Variants in KIFBP observed in about 807,000 individuals in gnomAD.
The protein encoded by KIFBP is kinesin family binding protein.
KIFBP carries 46 observed loss-of-function variants against 58.9 expected under a neutral mutation model. The observed-to-expected ratio is 0.78, with a 90% CI of 0.62 to 1.00. KIFBP has a LOEUF of 1.00. Ranked by LOEUF, KIFBP falls within the 50% of genes least tolerant of loss-of-function variation. The pLI is 0.00. For missense variants in KIFBP, 651 were observed against 752.9 expected (o/e 0.86, Z 1.58); for synonymous variants, 241 against 283.4 (o/e 0.85, Z 1.50).
chr10:68,990,706 C>G (rs749410729), intron 1 of KIFBP, among the ~76,000 whole-genome samples: 15 of 152,038 alleles, frequency 9.9e-5, no homozygotes, highest in Admixed American at 2.6e-4. Flanking sequence ...AGGAAAATCG[C>G]AGGGCTGAGG....
intron 3 of KIFBP, 42 bp downstream of exon 3, chr10:69,005,167 T>TA: frequency 7.4e-7 from 1 of 1,345,136 alleles, no homozygotes; most frequent in Non-Finnish European, 1.1e-6. Flanking sequence ...TATTTCCACA[T>TA]ATCATAGATT....
At chr10:69,004,409 A>G (rs560637258) in intron 2 of KIFBP, among the ~76,000 whole-genome samples, 1 of 152,154 alleles carries the variant, frequency 6.6e-6, no homozygotes, top group East Asian at 1.9e-4. Flanking sequence ...AAATACTTCA[A>G]GAATTATATA....
At chr10:69,000,188 C>T (rs989835449) in intron 1 of KIFBP, among the ~76,000 whole-genome samples, 2 of 152,092 alleles carry the variant, frequency 1.3e-5, no homozygotes, top group African/African-American at 4.8e-5. Context: ...CCAGCCTGTA[C>T]TCAAGGGGAA....
intron 1 of KIFBP, among the ~76,000 whole-genome samples, chr10:68,996,974 G>A (rs1278809985): frequency 2.6e-5 from 4 of 152,218 alleles, no homozygotes; most frequent in Non-Finnish European, 4.4e-5. Flanking sequence ...ACAACATAGT[G>A]AGACTTTGTC....
intron 1 of KIFBP, chr10:68,995,146 G>A (rs1843391429): frequency 6.6e-6 from 1 of 152,112 alleles, no homozygotes; most frequent in South Asian, 2.1e-4. Flanking sequence ...AGCCTCCTAA[G>A]TAGCTGAGAC....
chr10:68,991,917 T>C (rs2429030), intron 1 of KIFBP, among the ~76,000 whole-genome samples: 63,143 of 151,924 alleles, frequency 0.42, 13,514 homozygotes, highest in Non-Finnish European at 0.49. Flanking sequence ...CTTTTTTTTG[T>C]CTTAGGCAAA....
At chr10:69,003,997 G>A (rs895536736) in intron 2 of KIFBP, among the ~76,000 whole-genome samples, 7 of 151,938 alleles carry the variant, frequency 4.6e-5, no homozygotes, top group African/African-American at 1.5e-4. Context: ...CGAGGCAGGC[G>A]GATCATGAGA....
chr10:68,991,484 T>C, intron 1 of KIFBP: 1 of 396,050 alleles, frequency 2.5e-6, no homozygotes, highest in Non-Finnish European at 5.2e-6. Flanking sequence ...TGTCGATGTC[T>C]CCGAACTAAG....
rs1564639777 is a variant in KIFBP, at chr10:69,016,358, T to C, written c.1808T>C (p.Met603Thr). The C allele has an allele frequency of 1.2e-6, 2 of 1,613,988 alleles. No individual in the cohort carries two copies. The highest frequency in any genetic ancestry group is 8.5e-7 in the Non-Finnish European group (1 of 1,179,952). The change falls in exon 7 of 7, where the codon ATG becomes ACG. Residue 603 changes from methionine to threonine, a missense_variant. By Grantham distance (81) the Met-to-Thr change is moderately conservative (BLOSUM62 -1). Coordinates refer to ENST00000361983, the MANE Select transcript of KIFBP (RefSeq NM_015634.4). ...GTTGAGCTAGAACTTAGTAAAGAGA[T>C]GGTTAGTCTTCTCCCAACAAAAATG... The part of the protein sequence containing the change: ...IEVELELSKE[M>T]VSLLPTKMER...
Position 69,016,123 on chromosome 10 carries a change from A to T in KIFBP, c.1573A>T (p.Arg525Ter). 1 of 1,614,190 alleles carries T rather than the reference A, an allele frequency of 6.2e-7. No individual in the cohort carries two copies. The highest frequency in any genetic ancestry group is 8.5e-7 in the Non-Finnish European group (1 of 1,180,020). ...KYYQLFLDSL[R>*]DPNKVFPEHI... Reference sequence around the variant, plus strand: ...CTACCAGCTCTTCTTAGACTCCCTGAGAGACCCAAATAAAGTATTCCCTGA... The same window carrying T: ...CTACCAGCTCTTCTTAGACTCCCTGTGAGACCCAAATAAAGTATTCCCTGA... Residue 525 changes from arginine to a stop codon, truncating the protein, a stop_gained, in exon 7 of 7, where the codon AGA becomes TGA. Coordinates refer to ENST00000361983, the MANE Select transcript of KIFBP (RefSeq NM_015634.4). LOFTEE classifies it high-confidence loss of function.
intron 6 of KIFBP, among the ~76,000 whole-genome samples, chr10:69,014,960 T>C (rs1838973363): frequency 6.6e-6 from 1 of 152,206 alleles, no homozygotes; most frequent in South Asian, 2.1e-4. Flanking sequence ...TCTTGCACTG[T>C]CACCCAGGCT....
intron 6 of KIFBP, among the ~76,000 whole-genome samples, chr10:69,013,975 T>C (rs1843619030): frequency 6.6e-6 from 1 of 152,148 alleles, no homozygotes; most frequent in Admixed American, 6.6e-5. Flanking sequence ...GGTCTTGAAC[T>C]CTTGAGCTCA....
intron 5 of KIFBP, among the ~76,000 whole-genome samples, chr10:69,009,841 A>C (rs537662064): frequency 1.1e-4 from 17 of 152,300 alleles, no homozygotes; most frequent in African/African-American, 4.1e-4. Flanking sequence ...ACTGTTGAAC[A>C]GTTTCCAACC....
intron 4 of KIFBP, chr10:69,007,004 A>C (rs1358849428): frequency 6.6e-6 from 1 of 152,210 alleles, no homozygotes; most frequent in East Asian, 1.9e-4. Flanking sequence ...GTCCTCATCC[A>C]AAGTGTTATC....
intron 6 of KIFBP, among the ~76,000 whole-genome samples, chr10:69,015,108 G>C (rs868169860): frequency 6.6e-6 from 1 of 152,114 alleles, no homozygotes; most frequent in Non-Finnish European, 1.5e-5. Flanking sequence ...ATTTTTAGTA[G>C]AGACAGAGTT....
chr10:69,015,539 A>G lies in KIFBP; in HGVS notation c.991-2A>G. Reference sequence around the variant, plus strand: ...ACCATAATTTATTTTTTTTTCCTTCAGGACAACATAGGAGAGCTTGATCTT... The same window carrying G: ...ACCATAATTTATTTTTTTTTCCTTCGGGACAACATAGGAGAGCTTGATCTT... On this transcript the variant is annotated splice_acceptor_variant, in intron 6 of 6. Coordinates refer to ENST00000361983, the MANE Select transcript of KIFBP (RefSeq NM_015634.4). LOFTEE classifies it high-confidence loss of function. 1 of 1,612,096 alleles carries G rather than the reference A, an allele frequency of 6.2e-7. No homozygotes were observed. Among genetic ancestry groups the G allele is most frequent in the Non-Finnish European group, 8.5e-7 (1 of 1,179,480 alleles).
At chr10:69,008,419 T>TATATATATATATATATATATATATATA (rs1564637637) in intron 4 of KIFBP, among the ~76,000 whole-genome samples, 2 of 137,610 alleles carry the variant, frequency 1.5e-5, no homozygotes, top group African/African-American at 5.8e-5. Context: ...TATATATATA[T>TATATATATATATATATATATATATATA]TCAGTCTTCT....
intron 6 of KIFBP, among the ~76,000 whole-genome samples, chr10:69,014,943 G>A (rs1838973073): frequency 6.6e-6 from 1 of 152,066 alleles, no homozygotes; most frequent in African/African-American, 2.4e-5. Flanking sequence ...TGTTTCTTGA[G>A]ATGGAGTCTT....
chr10:68,992,665 T>A (rs1257698275), intron 1 of KIFBP, among the ~76,000 whole-genome samples: 1 of 152,118 alleles, frequency 6.6e-6, no homozygotes, highest in Non-Finnish European at 1.5e-5. Context: ...TTTTGTGTGG[T>A]GTTTATTTAC....
Sources: allele counts gnomAD v4.1 joint callset (sites outside exome capture counted in the v4.1 genomes callset), GRCh38; gene constraint gnomAD v4.1.1; transcripts MANE v1.5; gene names NCBI Gene and HGNC (gene_info 2026-07-23, HGNC 2026-07-21).